Variants in R3HDM1 observed in about 807,000 individuals in gnomAD.
The protein encoded by R3HDM1 is R3H domain containing 1.
A neutral mutation model predicts 141.1 loss-of-function variants in R3HDM1; 46 were observed. That is an observed-to-expected ratio of 0.33 (90% CI 0.26 to 0.42). The LOEUF (loss-of-function observed/expected upper bound fraction) is 0.42, where lower values mean the gene tolerates loss of function less well. Among genes scored for constraint, R3HDM1 ranks in the 10% least tolerant of loss-of-function variants. The probability of loss-of-function intolerance (pLI) is 1.00; values close to 1 mark genes in which losing one functional copy is unlikely to be tolerated. For missense variants in R3HDM1, 1,184 were observed against 1,368.3 expected (o/e 0.87, Z 2.12); for synonymous variants, 435 against 472.9 (o/e 0.92, Z 1.04).
intron 18 of R3HDM1, among the ~76,000 whole-genome samples, chr2:135,655,827 T>G (rs140016619): frequency 6.6e-6 from 1 of 152,232 alleles, no homozygotes; most frequent in Non-Finnish European, 1.5e-5. Flanking sequence ...TTTTTAGTAT[T>G]TAGGCTCCTT....
rs956898255 is a variant in R3HDM1, at chr2:135,710,316, C to G, written c.2736+85C>G. Reference sequence around the variant, plus strand: ...CTTATAAGGCTTGAATTTGAAATCCCGTCAGCCAGATTAATAAAAGAATTT... The same window carrying G: ...CTTATAAGGCTTGAATTTGAAATCCGGTCAGCCAGATTAATAAAAGAATTT... On this transcript the variant is annotated intron_variant, in intron 23 of 26. Transcript: ENST00000683871. The G allele has an allele frequency of 2.2e-6, 3 of 1,381,492 alleles. No homozygotes were observed. In the East Asian group the frequency reaches 7.3e-5, roughly 33 times the overall value. The allele number at this position is 1,381,492 out of a possible 1,614,324, so 85.6% of individuals were successfully genotyped here. A position where few individuals can be genotyped will look rare whatever the true frequency, so the allele number is the denominator to read the frequency against.
intron 1 of R3HDM1, among the ~76,000 whole-genome samples, chr2:135,579,387 C>G (rs1232423130): frequency 6.6e-6 from 1 of 152,092 alleles, no homozygotes; most frequent in African/African-American, 2.4e-5. Flanking sequence ...ACAGCTCTTC[C>G]TTACATGGAA....
Position 135,723,054 on chromosome 2 carries a change from T to C in R3HDM1, c.3049+501T>C, listed in dbSNP as rs2076849127. Among the ~76,000 whole-genome samples the C allele has an allele frequency of 3.3e-5, 5 of 152,194 alleles. 1 individual carries two copies. The South Asian group carries it at 1.0e-3, about 31-fold the overall frequency. ...CTAATTTAGAGAAGCCACTGTACAA[T>C]GCCTCTTTTTATTTGTGCAACTACC... is the stretch of plus-strand genomic sequence containing the variant. On this transcript the variant is annotated intron_variant, in intron 26 of 26. Transcript: ENST00000683871.
intron 21 of R3HDM1, among the ~76,000 whole-genome samples, chr2:135,688,726 A>G (rs2071809458): frequency 6.6e-6 from 1 of 152,176 alleles, no homozygotes; most frequent in African/African-American, 2.4e-5. Flanking sequence ...ACTTGAGACC[A>G]AGAGTTGGGG....
At chr2:135,684,485 CCT>C (rs1463597464) in intron 21 of R3HDM1, among the ~76,000 whole-genome samples, 1 of 152,126 alleles carries the variant, frequency 6.6e-6, no homozygotes, top group Non-Finnish European at 1.5e-5. Context: ...GTTTCTATAA[CCT>C]CTCTATGCTT....
At chr2:135,616,271 C>G in intron 4 of R3HDM1, 78 bp downstream of exon 4, 1 of 1,374,536 alleles carries the variant, frequency 7.3e-7, no homozygotes, top group Non-Finnish European at 1.0e-6. Flanking sequence ...TCATATAGCA[C>G]TACATTCAGT....
intron 1 of R3HDM1, among the ~76,000 whole-genome samples, chr2:135,583,314 T>A (rs773899409): frequency 6.6e-6 from 1 of 152,342 alleles, no homozygotes; most frequent in Admixed American, 6.5e-5. Flanking sequence ...GATTGTTTCA[T>A]GATTAGATTC....
intron 7 of R3HDM1, among the ~76,000 whole-genome samples, chr2:135,628,770 C>A (rs1057464368): frequency 1.5e-4 from 23 of 152,018 alleles, no homozygotes; most frequent in African/African-American, 5.6e-4. Flanking sequence ...GGATTACAGG[C>A]ATGCGCCACC....
At position 135,645,295 on chromosome 2, in the gene R3HDM1, A is replaced by G. The variant is rs189550800; in HGVS notation, c.1475-84A>G. ...TTTAATTGTGGTTAAAGGATTTTGG[A>G]CATGCTTTGTAAATTGTTAGTAAAA... On this transcript the variant is annotated intron_variant, in intron 15 of 26. Coordinates refer to ENST00000683871, the MANE Select transcript of R3HDM1 (RefSeq NM_001378107.1). 3.3e-4 allele frequency: 392 copies of G among 1,189,098 alleles called. 1 individual carries two copies. The highest frequency in any genetic ancestry group is 1.1e-3 in the Admixed American group (46 of 42,350). 73.7% of individuals were successfully genotyped at this position (1,189,098 alleles called of 1,614,324 possible).
At chr2:135,535,234 C>T (rs1559073299) in intron 1 of R3HDM1, among the ~76,000 whole-genome samples, 1 of 152,134 alleles carries the variant, frequency 6.6e-6, no homozygotes, top group Non-Finnish European at 1.5e-5. Context: ...GGCGGGGTGG[C>T]TCACACCTGT....
At chr2:135,656,052 T>C (rs559541228) in intron 18 of R3HDM1, among the ~76,000 whole-genome samples, 5 of 152,308 alleles carry the variant, frequency 3.3e-5, no homozygotes, top group Non-Finnish European at 5.9e-5. Context: ...TTTGTCCATC[T>C]CCCTTTTAAG....
At chr2:135,588,939 A>C (rs1708578992) in intron 1 of R3HDM1, among the ~76,000 whole-genome samples, 1 of 152,166 alleles carries the variant, frequency 6.6e-6, no homozygotes, top group Admixed American at 6.6e-5. Flanking sequence ...TTGTTTTGAA[A>C]TAATTATAGA....
At chr2:135,610,450 G>C (rs1261215663) in intron 3 of R3HDM1, among the ~76,000 whole-genome samples, 1 of 152,202 alleles carries the variant, frequency 6.6e-6, no homozygotes, top group African/African-American at 2.4e-5. Context: ...ACACAGAGTT[G>C]GCTAAAGTAC....
At chr2:135,665,372 A>AT (rs1417160494) in intron 19 of R3HDM1, 10 of 524,712 alleles carry the variant, frequency 1.9e-5, no homozygotes, top group Non-Finnish European at 3.9e-5. Context: ...TACATTTAAT[A>AT]TTTTGCAATA....
At chr2:135,621,955 A>G in intron 6 of R3HDM1, 1 of 983,436 alleles carries the variant, frequency 1.0e-6, no homozygotes, top group Non-Finnish European at 1.2e-6. Flanking sequence ...AGCTGATGTC[A>G]TAATATTGAG....
At chr2:135,650,991 A>C in intron 17 of R3HDM1, 1 of 985,444 alleles carries the variant, frequency 1.0e-6, no homozygotes, top group African/African-American at 1.7e-5. Context: ...TTTCTGGAAC[A>C]ATAAGAGCTG....
intron 1 of R3HDM1, among the ~76,000 whole-genome samples, chr2:135,546,766 G>C (rs933867604): frequency 1.3e-5 from 2 of 152,146 alleles, no homozygotes; most frequent in Non-Finnish European, 2.9e-5. Flanking sequence ...CCACCTCCCG[G>C]ATTCAGGACA....
intron 20 of R3HDM1, among the ~76,000 whole-genome samples, chr2:135,675,912 T>C (rs112330495): frequency 7.2e-5 from 11 of 152,162 alleles, no homozygotes; most frequent in Non-Finnish European, 1.2e-4. Flanking sequence ...TGAGATACAG[T>C]ATAGACCATG....
At chr2:135,548,620 C>T (rs1409142667) in intron 1 of R3HDM1, among the ~76,000 whole-genome samples, 1 of 151,940 alleles carries the variant, frequency 6.6e-6, no homozygotes, top group Middle Eastern at 3.4e-3. Flanking sequence ...CCAAAATTTC[C>T]GATTCTTTTC....
Sources: allele counts gnomAD v4.1 joint callset (sites outside exome capture counted in the v4.1 genomes callset), GRCh38; gene constraint gnomAD v4.1.1; transcripts MANE v1.5; gene names NCBI Gene and HGNC (gene_info 2026-07-23, HGNC 2026-07-21).